SCAMP1: variants seen among roughly 807,000 people sequenced by gnomAD.
The protein encoded by SCAMP1 is secretory carrier-associated membrane protein 1.
In SCAMP1, 15 loss-of-function variants were observed where a neutral mutation model predicts 41.8. The ratio of observed to expected loss-of-function variants is 0.36; its 90% CI spans 0.24 to 0.55. The LOEUF (loss-of-function observed/expected upper bound fraction) is 0.55, where lower values mean the gene tolerates loss of function less well. SCAMP1 is among the 20% of genes least tolerant of loss of function. The probability of loss-of-function intolerance (pLI) is 0.86; values close to 1 mark genes in which losing one functional copy is unlikely to be tolerated. For missense variants in SCAMP1, 341 were observed against 412.6 expected (o/e 0.83, Z 1.50); for synonymous variants, 135 against 136.8 (o/e 0.99, Z 0.09).
intron 1 of SCAMP1, among the ~76,000 whole-genome samples, chr5:78,377,316 T>C (rs1751090455): frequency 6.6e-6 from 1 of 152,190 alleles, no homozygotes; most frequent in South Asian, 2.1e-4. Context: ...CACCTTCCTA[T>C]AACTTAGCTT....
At chr5:78,458,140 G>T (rs913940836) in intron 7 of SCAMP1, among the ~76,000 whole-genome samples, 1 of 152,070 alleles carries the variant, frequency 6.6e-6, no homozygotes, top group Admixed American at 6.6e-5. Context: ...GAAATCACCC[G>T]TCTTCTGCGT....
At chr5:78,376,110 G>A (rs1751058453) in intron 1 of SCAMP1, among the ~76,000 whole-genome samples, 1 of 151,988 alleles carries the variant, frequency 6.6e-6, no homozygotes, top group African/African-American at 2.4e-5. Flanking sequence ...GGGGCATCAC[G>A]GTCCTACCGA....
intron 7 of SCAMP1, among the ~76,000 whole-genome samples, chr5:78,454,497 A>G (rs879560763): frequency 0.013 from 2,008 of 151,192 alleles, 12 homozygotes; most frequent in South Asian, 0.048. Context: ...ATTGATTTGC[A>G]TATATTGAAC....
At chr5:78,360,794 C>T (rs570995137) in intron 1 of SCAMP1, 66 bp downstream of exon 1, 19 of 1,471,396 alleles carry the variant, frequency 1.3e-5, no homozygotes, top group South Asian at 3.6e-5. Context: ...CGGACGAGTT[C>T]CTTCGCGCCC....
intron 2 of SCAMP1, among the ~76,000 whole-genome samples, chr5:78,407,130 T>C (rs1751954678): frequency 2.0e-5 from 3 of 152,236 alleles, no homozygotes; most frequent in South Asian, 4.1e-4. Context: ...GAAGATGATA[T>C]ACTATGGAGT....
intron 1 of SCAMP1, among the ~76,000 whole-genome samples, chr5:78,380,102 A>G (rs77089516): frequency 0.032 from 4,893 of 152,230 alleles, 245 homozygotes; most frequent in African/African-American, 0.1. Flanking sequence ...TTTTTCACTC[A>G]GCCCATAGCA....
At chr5:78,474,647 C>T (rs1163153831) in intron 8 of SCAMP1, among the ~76,000 whole-genome samples, 1 of 152,124 alleles carries the variant, frequency 6.6e-6, no homozygotes, top group Non-Finnish European at 1.5e-5. Flanking sequence ...TGATTGCATT[C>T]CAGTCAAGCT....
At chr5:78,422,739 T>G (rs1012039849) in intron 6 of SCAMP1, among the ~76,000 whole-genome samples, 13 of 152,196 alleles carry the variant, frequency 8.5e-5, no homozygotes, top group Non-Finnish European at 1.6e-4. Context: ...GTTGGACTAT[T>G]GCTTTAAGAA....
chr5:78,389,185 A>T (rs1200847528), intron 2 of SCAMP1, among the ~76,000 whole-genome samples: 1 of 152,174 alleles, frequency 6.6e-6, no homozygotes, highest in Non-Finnish European at 1.5e-5. Context: ...AAACTTTTCC[A>T]CATTACTTGA....
intron 6 of SCAMP1, among the ~76,000 whole-genome samples, chr5:78,438,114 A>T (rs1459346043): frequency 6.6e-6 from 1 of 151,926 alleles, no homozygotes; most frequent in Non-Finnish European, 1.5e-5. Flanking sequence ...TTTCTTCTTT[A>T]TCAGTCTTGC....
intron 7 of SCAMP1, among the ~76,000 whole-genome samples, chr5:78,453,467 C>G (rs1207537973): frequency 1.3e-5 from 2 of 151,948 alleles, no homozygotes; most frequent in Admixed American, 6.6e-5. Flanking sequence ...GCTTGTTTTT[C>G]TCAGGTTTGT....
At chr5:78,446,163 G>C (rs1191380050) in intron 6 of SCAMP1, among the ~76,000 whole-genome samples, 1 of 152,170 alleles carries the variant, frequency 6.6e-6, no homozygotes, top group Non-Finnish European at 1.5e-5. Flanking sequence ...GCATTTGTGT[G>C]TACTAACTGT....
At chr5:78,407,329 T>A (rs1269877927) in intron 2 of SCAMP1, among the ~76,000 whole-genome samples, 2 of 152,202 alleles carry the variant, frequency 1.3e-5, no homozygotes, top group Non-Finnish European at 2.9e-5. Context: ...TTTAGAGTTC[T>A]GCATTATCAG....
chr5:78,425,648 A>G (rs1752451005), intron 6 of SCAMP1, among the ~76,000 whole-genome samples: 1 of 152,174 alleles, frequency 6.6e-6, no homozygotes, highest in South Asian at 2.1e-4. Flanking sequence ...CCGCTGACTT[A>G]TGTGGGCATT....
intron 6 of SCAMP1, among the ~76,000 whole-genome samples, chr5:78,440,252 G>A (rs184763676): frequency 2.6e-4 from 39 of 152,278 alleles, no homozygotes; most frequent in Non-Finnish European, 4.7e-4. Flanking sequence ...CCTTGCTGGT[G>A]AGGAGCTGTG....
chr5:78,435,000 T>C (rs1172281532), intron 6 of SCAMP1, among the ~76,000 whole-genome samples: 1 of 152,234 alleles, frequency 6.6e-6, no homozygotes, highest in Non-Finnish European at 1.5e-5. Flanking sequence ...GGTAGCATTA[T>C]TCTAGAACAG....
chr5:78,377,925 A>G (rs1751107270), intron 1 of SCAMP1, among the ~76,000 whole-genome samples: 1 of 152,200 alleles, frequency 6.6e-6, no homozygotes, highest in Non-Finnish European at 1.5e-5. Context: ...ATAGCTTCTT[A>G]GTAATGGAAC....
chr5:78,459,407 A>G (rs779350033), intron 8 of SCAMP1, 45 bp downstream of exon 8: 2 of 937,792 alleles, frequency 2.1e-6, no homozygotes, highest in Non-Finnish European at 1.7e-6. Flanking sequence ...AACGTGATGT[A>G]AAGTTCTCAT....
At chr5:78,416,121 C>G (rs1251952347) in intron 3 of SCAMP1, among the ~76,000 whole-genome samples, 1 of 152,160 alleles carries the variant, frequency 6.6e-6, no homozygotes, top group Non-Finnish European at 1.5e-5. Flanking sequence ...AATATTCTTG[C>G]ATTGGTGGCC....
Sources: allele counts gnomAD v4.1 joint callset (sites outside exome capture counted in the v4.1 genomes callset), GRCh38; gene constraint gnomAD v4.1.1; transcripts MANE v1.5; gene names NCBI Gene and HGNC (gene_info 2026-07-23, HGNC 2026-07-21).